PPP1R12C: variants seen among roughly 807,000 people sequenced by gnomAD.
The protein encoded by PPP1R12C is leukocyte receptor cluster (LRC) encoded novel gene 3.
PPP1R12C carries 48 observed loss-of-function variants against 95.6 expected under a neutral mutation model. That is an observed-to-expected ratio of 0.50 (90% CI 0.40 to 0.64). The LOEUF (loss-of-function observed/expected upper bound fraction) is 0.64. Ranked by LOEUF, PPP1R12C falls within the 30% of genes least tolerant of loss-of-function variation. PPP1R12C has a pLI of 0.00. For missense variants in PPP1R12C, 1,057 were observed against 1,083.3 expected (o/e 0.98, Z 0.34); for synonymous variants, 480 against 460.8 (o/e 1.04, Z -0.53).
At position 55,096,081 on chromosome 19, in the gene PPP1R12C, C is replaced by G. The variant is rs991338054; in HGVS notation, c.1123G>C (p.Asp375His). ...GGACCTTCTTCCCCCTCATCCTCGT[C>G]CTGGATGGGGGGCCCCCCAGCCCCA... The part of the protein sequence containing the change: ...PGGAGGPPIQ[D>H]EDEGEEGPTE... Residue 375 changes from aspartate to histidine, a missense_variant, in exon 8 of 22, where the codon GAC becomes CAC. Physicochemically the swap from Asp to His is moderately conservative, Grantham distance 81. Around this residue, in one of 5 missense-constraint regions of PPP1R12C, gnomAD observed 356 missense variants for 330.5 expected, o/e 1.08. Transcript: ENST00000263433. 1 of 1,607,928 alleles carries G rather than the reference C, an allele frequency of 6.2e-7. No individual in the cohort carries two copies. The highest frequency in any genetic ancestry group is 1.7e-5 in the Admixed American group (1 of 58,982).
At chr19:55,110,068 A>G (rs1187250562) in intron 3 of PPP1R12C, among the ~76,000 whole-genome samples, 2 of 152,158 alleles carry the variant, frequency 1.3e-5, no homozygotes, top group Non-Finnish European at 2.9e-5. Flanking sequence ...GATGCAAGTT[A>G]TGAGCAATTT....
At chr19:55,112,428 A>C (rs1356870243) in intron 3 of PPP1R12C, 39 bp downstream of exon 3, 1 of 1,548,040 alleles carries the variant, frequency 6.5e-7, no homozygotes, top group Non-Finnish European at 8.8e-7. Flanking sequence ...ACGGGTGAGG[A>C]GGTGTCCCCC....
rs368523851 is a variant in PPP1R12C, at chr19:55,091,606, C to T, written c.2262+44G>A. The stretch of plus-strand genomic sequence containing the variant: ...TGGGCAGCCCTGGCGGGTTGCACCC[C>T]CACCCACCCTCGGCCCTCTGCCCAC... On this transcript the variant is annotated intron_variant, in intron 21 of 21. Transcript: ENST00000263433. The T allele has an allele frequency of 9.2e-5, 147 of 1,605,742 alleles. 1 individual carries two copies. In the South Asian group the frequency reaches 1.5e-3, roughly 16 times the overall value.
Position 55,095,345 on chromosome 19 carries a change from C to T in PPP1R12C, c.1400G>A (p.Arg467His), listed in dbSNP as rs764881065. The T allele has an allele frequency of 3.5e-5, 56 of 1,592,212 alleles. No individual in the cohort carries two copies. The highest frequency in any genetic ancestry group is 4.4e-5 in the Non-Finnish European group (52 of 1,169,582). ...EGTSTQAKEL[R>H]LARITPTPSP... ...GGGGGTCGGGGTAATTCTGGCAAGA[C>T]GGAGCTCCTTGGCCTGTGTGGAGAG... Residue 467 changes from arginine (R) to histidine (H), a missense_variant, in exon 11 of 22, where the codon CGT becomes CAT. Physicochemically the swap from Arg to His is conservative, Grantham distance 29 (BLOSUM62 0). This residue lies in a region of PPP1R12C where 356 missense variants were observed against 330.5 expected (regional missense o/e 1.08). Coordinates refer to ENST00000263433, the MANE Select transcript of PPP1R12C (RefSeq NM_017607.4).
chr19:55,093,227 T>C lies in PPP1R12C; in HGVS notation c.1690A>G (p.Thr564Ala). The change falls in exon 14 of 22, where the codon ACT becomes GCT. Residue 564 changes from threonine (T) to alanine (A), a missense_variant. Thr to Ala is a moderately conservative substitution (Grantham distance 58, BLOSUM62 0). Coordinates refer to ENST00000263433, the MANE Select transcript of PPP1R12C (RefSeq NM_017607.4). ...TCTGCCTCCTTCAGGTCTGTAAGAG[T>C]CACACCCTGGCAGGGAAAGGGGACA... ...RQSRRSTQGV[T>A]LTDLKEAEKA... 2 of 1,612,672 alleles carry C rather than the reference T, an allele frequency of 1.2e-6. No homozygotes were observed. Among genetic ancestry groups the C allele is most frequent in the Non-Finnish European group, 1.7e-6 (2 of 1,179,754 alleles).
chr19:55,098,987 G>A lies in PPP1R12C; in HGVS notation c.840C>T (p.Ala280=), dbSNP rs759762693. The change falls in exon 5 of 22, where the codon GCC becomes GCT. Residue 280 remains alanine (A), a synonymous_variant. Transcript: ENST00000263433. ...GTGAGTCCATGCCCCCGCCATGCTCGGCCAGCAGGCGGCAGGCATCCTCCA... is the reference window on the plus strand; with the variant it reads ...GTGAGTCCATGCCCCCGCCATGCTCAGCCAGCAGGCGGCAGGCATCCTCCA... ...WGVEDACRLL[A]EHGGGMDSLT... 44 of 1,562,712 alleles carry A rather than the reference G, an allele frequency of 2.8e-5. 1 individual carries two copies. Among genetic ancestry groups the A allele is most frequent in the South Asian group, 5.8e-5 (5 of 85,718 alleles).
chr19:55,107,430 T>C (rs147162202), intron 3 of PPP1R12C, among the ~76,000 whole-genome samples: 17 of 152,140 alleles, frequency 1.1e-4, no homozygotes, highest in Non-Finnish European at 2.4e-4. Context: ...TTTTTCACAA[T>C]AGCAAAGACT....
In PPP1R12C at chr19:55,095,771, T is replaced by C. The variant is rs563990442; in HGVS notation, c.1227+96A>G. 3.1e-5 allele frequency: 48 copies of C among 1,534,078 alleles called. No individual in the cohort carries two copies. In the African/African-American group the frequency reaches 6.2e-4, roughly 20 times the overall value. ...AGGACGACTCTGGGAACTATAGTCT[T>C]CCCCCTATCTGCCCCTGCCAGAGGT... On this transcript the variant is annotated intron_variant, in intron 9 of 21. Coordinates refer to ENST00000263433, the MANE Select transcript of PPP1R12C (RefSeq NM_017607.4).
chr19:55,091,164 C>T lies in PPP1R12C; in HGVS notation c.*308G>A, dbSNP rs748681917. ...CACACGTGAGATGGGGACCTCCAGGCGGCCACTCTGGTCCTGGCTACTGAT... is the reference window on the plus strand; with the variant it reads ...CACACGTGAGATGGGGACCTCCAGGTGGCCACTCTGGTCCTGGCTACTGAT... On this transcript the variant is annotated 3_prime_UTR_variant, in exon 22 of 22. Coordinates refer to ENST00000263433, the MANE Select transcript of PPP1R12C (RefSeq NM_017607.4). 6.0e-5 allele frequency: 25 copies of T among 419,066 alleles called. No individual in the cohort carries two copies. Among genetic ancestry groups the T allele is most frequent in the Admixed American group, 1.2e-4 (3 of 24,772 alleles). 26.0% of individuals were successfully genotyped at this position (419,066 alleles called of 1,614,324 possible). A position where few individuals can be genotyped will look rare whatever the true frequency, so the allele number is the denominator to read the frequency against.
chr19:55,098,401 C>T (rs957680902), intron 6 of PPP1R12C, among the ~76,000 whole-genome samples: 1 of 152,248 alleles, frequency 6.6e-6, no homozygotes, highest in African/African-American at 2.4e-5. Context: ...AGCAAGGCTG[C>T]CCCGGGGATG....
Position 55,117,094 on chromosome 19 carries a change from T to G in PPP1R12C, c.321+129A>C, listed in dbSNP as rs79521032. On this transcript the variant is annotated intron_variant, in intron 1 of 21. Transcript: ENST00000263433. ...GGGGGACTGGGACGGGGTGTCAGCATAGGGTGGCAAAGCCCAGGGCCAGGA... is the reference window on the plus strand; with the variant it reads ...GGGGGACTGGGACGGGGTGTCAGCAGAGGGTGGCAAAGCCCAGGGCCAGGA... 6.9e-3 allele frequency: 5,284 copies of G among 764,872 alleles called. 194 individuals are homozygous for G. The African/African-American group carries it at 0.09, about 13-fold the overall frequency. 47.4% of individuals were successfully genotyped at this position (764,872 alleles called of 1,614,324 possible). A position where few individuals can be genotyped will look rare whatever the true frequency, so the allele number is the denominator to read the frequency against.
In PPP1R12C at chr19:55,106,648, T is replaced by A. The variant is rs537784628; in HGVS notation, c.572-3080A>T. On this transcript the variant is annotated intron_variant, in intron 3 of 21. Coordinates refer to ENST00000263433, the MANE Select transcript of PPP1R12C (RefSeq NM_017607.4). ...CCCTGTGCAAAGTGGCCAGGGAGGG[T>A]CCCTTCTGCACAGGACATGGTGCTG... is the stretch of plus-strand genomic sequence containing the variant. Among the ~76,000 whole-genome samples, 12 of 152,074 alleles carry A rather than the reference T, an allele frequency of 7.9e-5. 2 individuals are homozygous for A. In the South Asian group the frequency reaches 2.5e-3, roughly 32 times the overall value.
intron 6 of PPP1R12C, 96 bp downstream of exon 6, chr19:55,098,688 T>G (rs1386319700): frequency 3.5e-6 from 5 of 1,442,416 alleles, no homozygotes; most frequent in Non-Finnish European, 4.8e-6. Context: ...GGGTGGTGGG[T>G]GTCAGAAGTC....
intron 4 of PPP1R12C, among the ~76,000 whole-genome samples, chr19:55,099,487 C>G (rs2084958412): frequency 6.6e-6 from 1 of 152,356 alleles, no homozygotes; most frequent in South Asian, 2.1e-4. Flanking sequence ...AAAGGGCTGT[C>G]TCAGGGCAGT....
In PPP1R12C at chr19:55,091,469, G is replaced by A. The variant is rs757758468; in HGVS notation, c.*3C>T. 6.2e-6 allele frequency: 10 copies of A among 1,613,100 alleles called. No homozygotes were observed. Among genetic ancestry groups the A allele is most frequent in the East Asian group, 2.2e-5 (1 of 44,888 alleles). The stretch of plus-strand genomic sequence containing the variant: ...AATACGGGTGCGGGAAAGTCCCTCC[G>A]GGTCACTTGGAGAGTTTGCTGATGA... On this transcript the variant is annotated 3_prime_UTR_variant, in exon 22 of 22. Transcript: ENST00000263433.
chr19:55,097,850 A>G (rs1256557946), intron 6 of PPP1R12C, among the ~76,000 whole-genome samples: 1 of 151,364 alleles, frequency 6.6e-6, no homozygotes, highest in African/African-American at 2.4e-5. Context: ...TGCCCCACCT[A>G]TTAAACCCCT....
rs1161579985 is a variant in PPP1R12C, at chr19:55,095,445, C to T, written c.1386G>A (p.Gln462=). ...SSSWLEGTST[Q]AKELRLARIT... is the part of the protein sequence containing the mutation. ...TGGACCCGGCCCAACCCTCACTCAC[C>T]TGAGTGGAGGTCCCTTCCAGCCAGG... Residue 462 remains glutamine (Q), a splice_region_variant and synonymous_variant, in exon 10 of 22, where the codon CAG becomes CAA. Coordinates refer to ENST00000263433, the MANE Select transcript of PPP1R12C (RefSeq NM_017607.4). 11 of 1,561,430 alleles carry T rather than the reference C, an allele frequency of 7.0e-6. No homozygotes were observed. The highest frequency in any genetic ancestry group is 1.2e-5 in the South Asian group (1 of 84,894).
chr19:55,108,366 C>T (rs1345392791), intron 3 of PPP1R12C, among the ~76,000 whole-genome samples: 6 of 152,126 alleles, frequency 3.9e-5, no homozygotes, highest in Non-Finnish European at 8.8e-5. Context: ...CAATGGCTCA[C>T]ACCTGCAATC....
Position 55,109,955 on chromosome 19 carries a change from G to A in PPP1R12C, c.571+2512C>T, listed in dbSNP as rs889494877. Among the ~76,000 whole-genome samples, 1 of 152,084 alleles carries A rather than the reference G, an allele frequency of 6.6e-6. No homozygotes were observed. The highest frequency in any genetic ancestry group is 2.4e-5 in the African/African-American group (1 of 41,422). ...CTTTCCAGTGGCCCCAGTGGTCTTC[G>A]TTCCTGGCTGATCCTACAAGCCAAT... On this transcript the variant is annotated intron_variant, in intron 3 of 21. Coordinates refer to ENST00000263433, the MANE Select transcript of PPP1R12C (RefSeq NM_017607.4). The surrounding 1 kb of genome is among the most constrained non-coding windows in gnomAD (Gnocchi z 4.4).
Sources: allele counts gnomAD v4.1 joint callset (sites outside exome capture counted in the v4.1 genomes callset), GRCh38; gene constraint gnomAD v4.1.1; regional missense constraint gnomAD v4.1.1; non-coding constraint Gnocchi (gnomAD v3.1); transcripts MANE v1.5; gene names NCBI Gene and HGNC (gene_info 2026-07-23, HGNC 2026-07-21).